Variants in NXT2 observed in about 807,000 individuals in gnomAD.
NXT2 encodes nuclear transport factor 2 like export factor 2.
A neutral mutation model predicts 9.6 loss-of-function variants in NXT2; 1 was observed. That is an observed-to-expected ratio of 0.10 (90% CI 0.04 to 0.49). NXT2 has a LOEUF of 0.49. Among genes scored for constraint, NXT2 ranks in the 20% least tolerant of loss-of-function variants. The pLI, the probability that NXT2 is intolerant of heterozygous loss-of-function variation, is 0.95. For synonymous variants in NXT2, 22 were observed against 35.4 expected, an observed-to-expected ratio of 0.62 and a Z score of 1.34; for missense variants, 48 against 100.3, an observed-to-expected ratio of 0.48 and a Z score of 2.23.
At position 109,536,993 on chromosome X, in the gene NXT2, C is replaced by G; in HGVS notation, c.-14C>G. The G allele has an allele frequency of 8.3e-7, 1 of 1,211,780 alleles. No individual in the cohort carries two copies. On this transcript the variant is annotated 5_prime_UTR_variant, in exon 1 of 4. Coordinates refer to ENST00000372106, the MANE Select transcript of NXT2 (RefSeq NM_001242617.2). ...ACGCCGACACTGCCAGAACACACTG[C>G]TACAAGGTCCCAGATGGCCACGTCT... is the stretch of plus-strand genomic sequence containing the variant.
intron 2 of NXT2, among the ~76,000 whole-genome samples, chrX:109,540,553 C>G (rs1328338488): frequency 1.8e-5 from 2 of 110,648 alleles, no homozygotes; most frequent in Non-Finnish European, 3.8e-5. Flanking sequence ...GTCTTGAACT[C>G]CTTACCTCAT....
chrX:109,536,990 C>T lies in NXT2; in HGVS notation c.-17C>T. 3 of 1,211,881 alleles carry T rather than the reference C, an allele frequency of 2.5e-6. No individual in the cohort carries two copies. Among genetic ancestry groups the T allele is most frequent in the Non-Finnish European group, 2.2e-6 (2 of 895,464 alleles). ...GTGACGCCGACACTGCCAGAACACA[C>T]TGCTACAAGGTCCCAGATGGCCACG... On this transcript the variant is annotated 5_prime_UTR_variant, in exon 1 of 4. Transcript: ENST00000372106.
chrX:109,538,227 G>A, intron 2 of NXT2, 96 bp downstream of exon 2: 3 of 543,192 alleles, frequency 5.5e-6, no homozygotes, highest in Non-Finnish European at 8.8e-6. Context: ...ACTTGCATAA[G>A]TGGTAACTGT....
chrX:109,538,170 A>G (rs762720578), intron 2 of NXT2, 39 bp downstream of exon 2: 1 of 821,083 alleles, frequency 1.2e-6, no homozygotes, highest in East Asian at 3.2e-5. Context: ...ATAGACTACT[A>G]CTCTTTATTA....
Position 109,543,711 on chromosome X carries a change from ACC to A in NXT2, c.*1024_*1025del, listed in dbSNP as rs1408119024. ...TACTGGGGTAAAATAACAGCAATAA[ACC>A]TAACCTTTTAACAGGGTCTAACATG... is the stretch of plus-strand genomic sequence containing the variant. On this transcript the variant is annotated 3_prime_UTR_variant, in exon 4 of 4. Transcript: ENST00000372106. 1 of 111,518 alleles carries A rather than the reference ACC, an allele frequency of 9.0e-6. No homozygotes were observed. Among genetic ancestry groups the A allele is most frequent in the African/African-American group, 3.3e-5 (1 of 30,693 alleles). The allele number at this position is 111,518 out of a possible 1,213,427, so 9.2% of individuals were successfully genotyped here. A position where few individuals can be genotyped will look rare whatever the true frequency, so the allele number is the denominator to read the frequency against.
At chrX:109,541,357 T>A in intron 2 of NXT2, 118 bp from the exon 3 acceptor site, 1 of 577,682 alleles carries the variant, frequency 1.7e-6, no homozygotes, top group Non-Finnish European at 2.6e-6. Flanking sequence ...GGAGTGGAGA[T>A]GAAGGTAGAA....
chrX:109,536,783 A>C, upstream of NXT2: 2 of 989,028 alleles, frequency 2.0e-6, no homozygotes, highest in South Asian at 5.3e-5. Context: ...GATGGGAGGG[A>C]TCTTCAGGAA....
chrX:109,537,652 C>T (rs1933314044), intron 1 of NXT2, among the ~76,000 whole-genome samples: 1 of 111,165 alleles, frequency 9.0e-6, no homozygotes, highest in African/African-American at 3.3e-5. Flanking sequence ...AAACAATTTC[C>T]TAGCTTATTC....
chrX:109,539,913 CTT>C (rs1222660627), intron 2 of NXT2, among the ~76,000 whole-genome samples: 6 of 111,956 alleles, frequency 5.4e-5, no homozygotes, highest in African/African-American at 1.9e-4. Flanking sequence ...GTCATGAACT[CTT>C]TGCCCATGCC....
At chrX:109,535,863 TAA>T (rs749680098), upstream of NXT2, 12 of 1,111,636 alleles carry the variant, frequency 1.1e-5, no homozygotes. Context: ...AAGAGCCAGA[TAA>T]AGAGAAAGAT....
At chrX:109,542,369 A>C (rs1028070546) in intron 3 of NXT2, 138 bp from the exon 4 acceptor site, 2 of 438,808 alleles carry the variant, frequency 4.6e-6, no homozygotes, top group Admixed American at 5.0e-5. Context: ...TGCATGCTTA[A>C]GATTATGCTC....
rs1346164487 is a variant in NXT2, at chrX:109,544,412, CACAGCTTCA to C, written c.*1725_*1733del. On this transcript the variant is annotated 3_prime_UTR_variant, in exon 4 of 4. Transcript: ENST00000372106. ...TTATTTTGGATTGATTTTCCAAAAC[CACAGCTTCA>C]GCAGCAACAATCAGAATGTCCAAAT... 1.8e-5 allele frequency: 2 copies of C among 112,355 alleles called. No homozygotes were observed. Among genetic ancestry groups the C allele is most frequent in the Middle Eastern group, 4.6e-3 (1 of 217 alleles). 9.3% of individuals were successfully genotyped at this position (112,355 alleles called of 1,213,427 possible). A position where few individuals can be genotyped will look rare whatever the true frequency, so the allele number is the denominator to read the frequency against.
chrX:109,542,591 A>G lies in NXT2; in HGVS notation c.332A>G (p.Asn111Ser). 8.3e-7 allele frequency: 1 copy of G among 1,207,744 alleles called. No individual in the cohort carries two copies. The highest frequency in any genetic ancestry group is 1.1e-6 in the Non-Finnish European group (1 of 892,431). The change falls in exon 4 of 4, where the codon AAC becomes AGC. Residue 111 changes from asparagine to serine, a missense_variant. Coordinates refer to ENST00000372106, the MANE Select transcript of NXT2 (RefSeq NM_001242617.2). ...KFDGNKQHFFNQNFLLTAQST... is the reference protein window; with the variant it reads ...KFDGNKQHFFSQNFLLTAQST... ...GATGGAAACAAACAACATTTCTTCA[A>G]CCAGAACTTCCTGCTGACTGCTCAG...
rs1402686736 is a variant in NXT2, at chrX:109,544,492, C to T, written c.*1804C>T. On this transcript the variant is annotated 3_prime_UTR_variant, in exon 4 of 4. Transcript: ENST00000372106. Reference sequence around the variant, plus strand: ...GAAGAACAATGGTAACTAAAAGCTGCATATAACTAGCAATAACTACATTGA... The same window carrying T: ...GAAGAACAATGGTAACTAAAAGCTGTATATAACTAGCAATAACTACATTGA... The T allele has an allele frequency of 8.9e-6, 1 of 112,634 alleles. No homozygotes were observed. Among genetic ancestry groups the T allele is most frequent in the Non-Finnish European group, 1.9e-5 (1 of 53,182 alleles). 9.3% of individuals were successfully genotyped at this position (112,634 alleles called of 1,213,427 possible).
intron 2 of NXT2, among the ~76,000 whole-genome samples, chrX:109,538,418 C>T (rs1418371262): frequency 9.0e-6 from 1 of 111,405 alleles, no homozygotes; most frequent in African/African-American, 3.3e-5. Context: ...ATTAAAATAC[C>T]GCACTTAACA....
At chrX:109,540,411 T>A (rs1001923401) in intron 2 of NXT2, among the ~76,000 whole-genome samples, 1 of 110,602 alleles carries the variant, frequency 9.0e-6, no homozygotes, top group East Asian at 2.8e-4. Flanking sequence ...AACTGCAACC[T>A]CTGCCTCCCG....
At position 109,538,083 on chromosome X, in the gene NXT2, T is replaced by C. The variant is rs1477971436; in HGVS notation, c.54T>C (p.Ala18=). ...KTYVDQACRA[A]EEFVNIYYET... ...ATGTAGATCAGGCATGTAGAGCTGC[T>C]GAGGAGTTTGTCAATATTTACTATG... The change falls in exon 2 of 4, where the codon GCT becomes GCC. Residue 18 remains alanine, a synonymous_variant. Transcript: ENST00000372106. 1 of 1,199,871 alleles carries C rather than the reference T, an allele frequency of 8.3e-7. No individual in the cohort carries two copies. The highest frequency in any genetic ancestry group is 1.8e-5 in the African/African-American group (1 of 57,005).
At chrX:109,537,055 G>T in intron 1 of NXT2, 34 bp downstream of exon 1, 1 of 1,195,222 alleles carries the variant, frequency 8.4e-7, no homozygotes, top group Non-Finnish European at 1.1e-6. Flanking sequence ...ACGGCTGGGC[G>T]CCGGACTCCA....
intron 2 of NXT2, 124 bp from the exon 3 acceptor site, chrX:109,541,351 T>G: frequency 1.9e-6 from 1 of 521,977 alleles, no homozygotes; most frequent in Non-Finnish European, 3.0e-6. Context: ...GCAAGGGGAG[T>G]GGAGATGAAG....
Sources: gnomAD v4.1 joint callset for allele counts (sites outside exome capture counted in the v4.1 genomes callset) on GRCh38, gnomAD v4.1.1 for gene constraint, MANE v1.5 for transcripts, NCBI Gene and HGNC (gene_info 2026-07-23, HGNC 2026-07-21) for gene names.